Variants in CABLES1 observed in about 807,000 individuals in gnomAD.
CABLES1 encodes Cdk5 and Abl enzyme substrate 1.
In CABLES1, 36 loss-of-function variants were observed where a neutral mutation model predicts 57.8. That is an observed-to-expected ratio of 0.62 (90% CI 0.48 to 0.82). The LOEUF (loss-of-function observed/expected upper bound fraction) is 0.82, where lower values mean the gene tolerates loss of function less well. CABLES1 is among the 40% of genes least tolerant of loss of function. CABLES1 has a pLI of 0.00. For missense variants in CABLES1, 767 were observed against 836.6 expected (o/e 0.92, Z 1.03); for synonymous variants, 374 against 363.0 (o/e 1.03, Z -0.35).
chr18:23,136,448 C>A lies in CABLES1; in HGVS notation c.686C>A (p.Thr229Asn), dbSNP rs746391362. Residue 229 changes from threonine (T) to asparagine (N), a missense_variant, in exon 1 of 10, where the codon ACC becomes AAC. Thr to Asn is a moderately conservative substitution (Grantham distance 65). Around this residue, in one of 4 missense-constraint regions of CABLES1, gnomAD observed 529 missense variants for 622.8 expected, o/e 0.85. Transcript: ENST00000256925. Reference protein sequence around the residue: ...VPAAAFLGSGTPGSGSGSRGR... With the variant: ...VPAAAFLGSGNPGSGSGSRGR... ...GCGGCCGCCTTTTTGGGCTCCGGGA[C>A]CCCCGGGAGTGGGAGCGGCAGTCGG... 6.2e-7 allele frequency: 1 copy of A among 1,602,834 alleles called. No individual in the cohort carries two copies.
At chr18:23,158,916 C>G (rs569514739) in intron 1 of CABLES1, among the ~76,000 whole-genome samples, 1 of 152,280 alleles carries the variant, frequency 6.6e-6, no homozygotes, top group South Asian at 2.1e-4. Context: ...CTTCTGCTAC[C>G]TAGCATCTGG....
intron 3 of CABLES1, among the ~76,000 whole-genome samples, chr18:23,198,966 A>G (rs2047304334): frequency 1.3e-5 from 2 of 152,270 alleles, no homozygotes; most frequent in South Asian, 4.1e-4. Flanking sequence ...AGTAGAATTC[A>G]CATCCAGGCA....
At chr18:23,164,035 G>A (rs1232279483) in intron 1 of CABLES1, among the ~76,000 whole-genome samples, 1 of 152,128 alleles carries the variant, frequency 6.6e-6, no homozygotes, top group African/African-American at 2.4e-5. Flanking sequence ...TGGGTTCCAG[G>A]ATCAGGTTCC....
chr18:23,199,956 T>C (rs1370566231), intron 3 of CABLES1, among the ~76,000 whole-genome samples: 3 of 152,178 alleles, frequency 2.0e-5, no homozygotes, highest in Non-Finnish European at 4.4e-5. Context: ...CCTGGGATGA[T>C]GGTACGGGTT....
intron 1 of CABLES1, among the ~76,000 whole-genome samples, chr18:23,173,839 C>T (rs180920459): frequency 5.3e-5 from 8 of 152,200 alleles, no homozygotes; most frequent in Admixed American, 3.3e-4. Context: ...TGGCATGTGC[C>T]TGTAGTCCCA....
Position 23,253,878 on chromosome 18 carries a change from T to C in CABLES1, c.1703T>C (p.Leu568Pro). 1 of 1,614,234 alleles carries C rather than the reference T, an allele frequency of 6.2e-7. No individual in the cohort carries two copies. Among genetic ancestry groups the C allele is most frequent in the Non-Finnish European group, 8.5e-7 (1 of 1,180,046 alleles). ...AAGCTGTGTGCTGGGGCATGTGTGC[T>C]GTTAGCAGCCAAAATTGGAAGTGAC... ...NRKLCAGACV[L>P]LAAKIGSDLK... Residue 568 changes from leucine (L) to proline (P), a missense_variant, in exon 9 of 10, where the codon CTG becomes CCG. By Grantham distance (98) the Leu-to-Pro change is moderately conservative (BLOSUM62 -3). Around this residue, in one of 4 missense-constraint regions of CABLES1, gnomAD observed 529 missense variants for 622.8 expected, o/e 0.85. Coordinates refer to ENST00000256925, the MANE Select transcript of CABLES1 (RefSeq NM_001100619.3).
intron 3 of CABLES1, among the ~76,000 whole-genome samples, chr18:23,211,361 T>G (rs2047403468): frequency 6.6e-6 from 1 of 152,196 alleles, no homozygotes; most frequent in Non-Finnish European, 1.5e-5. Context: ...GAGTTGCTCC[T>G]GGCCTTTGTC....
chr18:23,134,951 C>A (rs1318491850), upstream of CABLES1, among the ~76,000 whole-genome samples: 1 of 152,066 alleles, frequency 6.6e-6, no homozygotes, highest in Non-Finnish European at 1.5e-5. Flanking sequence ...GGGACAGTCT[C>A]CATAGGGGCT....
intron 3 of CABLES1, among the ~76,000 whole-genome samples, chr18:23,194,981 T>C (rs963331935): frequency 6.6e-6 from 1 of 152,218 alleles, no homozygotes; most frequent in Non-Finnish European, 1.5e-5. Flanking sequence ...ACTCTCTTTT[T>C]AGGAGAGTAG....
chr18:23,183,192 C>T (rs1248378491), intron 1 of CABLES1, among the ~76,000 whole-genome samples: 2 of 152,222 alleles, frequency 1.3e-5, no homozygotes, highest in Admixed American at 6.5e-5. Flanking sequence ...TACTGGCCCT[C>T]GGGCCTGCCT....
intron 1 of CABLES1, among the ~76,000 whole-genome samples, chr18:23,179,844 G>A (rs1236011625): frequency 6.6e-6 from 1 of 152,262 alleles, no homozygotes; most frequent in Non-Finnish European, 1.5e-5. Context: ...TTAAGAGGTA[G>A]CAGCTGACTT....
chr18:23,172,304 T>TC (rs1172776085), intron 1 of CABLES1, among the ~76,000 whole-genome samples: 4 of 152,194 alleles, frequency 2.6e-5, no homozygotes, highest in Non-Finnish European at 2.9e-5. Flanking sequence ...TAACCCATCC[T>TC]CCATCCTTTG....
chr18:23,232,823 T>C (rs561975116), intron 4 of CABLES1, among the ~76,000 whole-genome samples: 1 of 152,312 alleles, frequency 6.6e-6, no homozygotes, highest in Middle Eastern at 3.4e-3. Flanking sequence ...GGCTCATTCA[T>C]GTAATGCCCA....
chr18:23,155,962 C>G (rs2046962627), intron 1 of CABLES1: 1 of 1,614,040 alleles, frequency 6.2e-7, no homozygotes. Flanking sequence ...TGTAAGTTGT[C>G]AGAGGATCGC....
chr18:23,236,073 C>A, intron 6 of CABLES1, 22 bp downstream of exon 6: 1 of 1,611,818 alleles, frequency 6.2e-7, no homozygotes, highest in South Asian at 1.1e-5. Context: ...CTGGCTGGGT[C>A]TGGTAGCTCG....
At chr18:23,254,211 C>T (rs17186868) in intron 9 of CABLES1, among the ~76,000 whole-genome samples, 5,766 of 152,332 alleles carry the variant, frequency 0.038, 384 homozygotes, top group Admixed American at 0.17. Context: ...ATTCCCACAG[C>T]CATAGAAGCC....
chr18:23,183,276 C>G (rs1014911509), intron 1 of CABLES1, among the ~76,000 whole-genome samples: 1 of 152,226 alleles, frequency 6.6e-6, no homozygotes, highest in Non-Finnish European at 1.5e-5. Context: ...CCCCAAGTGA[C>G]CTTTCCTTAA....
chr18:23,201,967 C>T (rs1201071866), intron 3 of CABLES1, among the ~76,000 whole-genome samples: 1 of 152,108 alleles, frequency 6.6e-6, no homozygotes, highest in Non-Finnish European at 1.5e-5. Context: ...GAACAGCAGT[C>T]ATGGAGACGC....
chr18:23,237,273 T>C lies in CABLES1; in HGVS notation c.1446+28T>C, dbSNP rs752207209. The stretch of plus-strand genomic sequence containing the variant: ...GAGTAGCGTGGAATGGAGGCTCCGT[T>C]TGCTGCACCGTCAGTTGCCCCACCT... On this transcript the variant is annotated intron_variant, in intron 7 of 9. Coordinates refer to ENST00000256925, the MANE Select transcript of CABLES1 (RefSeq NM_001100619.3). 11 of 1,468,830 alleles carry C rather than the reference T, an allele frequency of 7.5e-6. No homozygotes were observed. The African/African-American group carries it at 1.4e-4, about 19-fold the overall frequency. The allele number at this position is 1,468,830 out of a possible 1,614,324, so 91.0% of individuals were successfully genotyped here.
Sources: allele counts gnomAD v4.1 joint callset (sites outside exome capture counted in the v4.1 genomes callset), GRCh38; gene constraint gnomAD v4.1.1; regional missense constraint gnomAD v4.1.1; transcripts MANE v1.5; gene names NCBI Gene and HGNC (gene_info 2026-07-23, HGNC 2026-07-21).